SGMS1: variants seen among roughly 807,000 people sequenced by gnomAD.
SGMS1 encodes the protein phosphatidylcholine:ceramide cholinephosphotransferase 1.
Under a neutral mutation model 46.2 loss-of-function variants are expected in SGMS1, and 13 were observed. The ratio of observed to expected loss-of-function variants is 0.28; its 90% CI spans 0.18 to 0.45. SGMS1 has a LOEUF of 0.45. Ranked by LOEUF, SGMS1 falls within the 20% of genes least tolerant of loss-of-function variation. The pLI, the probability that SGMS1 is intolerant of heterozygous loss-of-function variation, is 1.00. For missense variants in SGMS1, 324 were observed against 519.9 expected (o/e 0.62, Z 3.66); for synonymous variants, 203 against 187.8 (o/e 1.08, Z -0.66).
At chr10:50,374,855 C>T (rs532499407) in intron 6 of SGMS1, among the ~76,000 whole-genome samples, 32 of 152,316 alleles carry the variant, frequency 2.1e-4, no homozygotes, top group African/African-American at 7.5e-4. Flanking sequence ...TAGCTCACTC[C>T]TTTGCCTACT....
rs1564896133 is a variant in SGMS1, at chr10:50,381,284, G to GA, written c.-231-36940dup. 4.7e-5 allele frequency among the ~76,000 whole-genome samples: 7 copies of GA among 150,518 alleles called. No individual in the cohort carries two copies. In the South Asian group the frequency reaches 1.5e-3, roughly 32 times the overall value. On this transcript the variant is annotated intron_variant, in intron 6 of 10. Transcript: ENST00000361781. ...TGTTCTAAAAGAAAAAAAAAAAGAA[G>GA]AAGAAGAAAAAAAAAATCCGTAACA...
intron 3 of SGMS1, among the ~76,000 whole-genome samples, chr10:50,490,181 A>C (rs542159142): frequency 1.6e-4 from 24 of 152,206 alleles, no homozygotes; most frequent in Middle Eastern, 3.4e-3. Flanking sequence ...CTAAACAGGG[A>C]GTTGGATGAA....
intron 6 of SGMS1, among the ~76,000 whole-genome samples, chr10:50,390,890 A>C (rs898120692): frequency 3.3e-5 from 5 of 152,174 alleles, no homozygotes; most frequent in African/African-American, 4.8e-5. Flanking sequence ...TACCCAAATA[A>C]AAATCCCTGG....
intron 6 of SGMS1, among the ~76,000 whole-genome samples, chr10:50,360,315 A>T (rs1848226328): frequency 1.3e-5 from 2 of 152,204 alleles, no homozygotes; most frequent in South Asian, 4.1e-4. Flanking sequence ...CCAGAGGGAA[A>T]ACAATAAGCT....
chr10:50,440,918 T>C (rs552377105), intron 5 of SGMS1, among the ~76,000 whole-genome samples: 24 of 152,346 alleles, frequency 1.6e-4, no homozygotes, highest in African/African-American at 5.8e-4. Flanking sequence ...CCTAGGCTCA[T>C]TTCTAAATGT....
chr10:50,403,642 A>C (rs1259395105), intron 6 of SGMS1, among the ~76,000 whole-genome samples: 1 of 151,712 alleles, frequency 6.6e-6, no homozygotes, highest in Non-Finnish European at 1.5e-5. Context: ...CATGTGGCTA[A>C]ATTCTGACGT....
chr10:50,522,897 C>G (rs1189474509), intron 2 of SGMS1, among the ~76,000 whole-genome samples: 1 of 152,152 alleles, frequency 6.6e-6, no homozygotes, highest in Admixed American at 6.5e-5. Flanking sequence ...GGCCTCACCC[C>G]TCAAGTAGCT....
At chr10:50,515,397 A>G (rs1418069198) in intron 3 of SGMS1, among the ~76,000 whole-genome samples, 2 of 152,004 alleles carry the variant, frequency 1.3e-5, no homozygotes, top group Non-Finnish European at 2.9e-5. Context: ...AAGAAACAGC[A>G]CTCAGGTGAA....
intron 3 of SGMS1, among the ~76,000 whole-genome samples, chr10:50,486,601 AC>A (rs1487873439): frequency 6.6e-6 from 1 of 152,226 alleles, no homozygotes; most frequent in East Asian, 1.9e-4. Flanking sequence ...GCAAATCAAA[AC>A]CACTAGATGC....
At chr10:50,440,409 C>T (rs1849529390) in intron 5 of SGMS1, among the ~76,000 whole-genome samples, 1 of 152,050 alleles carries the variant, frequency 6.6e-6, no homozygotes, top group Non-Finnish European at 1.5e-5. Flanking sequence ...TTTTTCCCCG[C>T]AGAGCCAGCA....
upstream of SGMS1, chr10:50,624,915 C>A (rs1486569244): frequency 9.9e-7 from 1 of 1,008,314 alleles, no homozygotes; most frequent in South Asian, 3.4e-5. Flanking sequence ...ACGGGCCCGG[C>A]GTACCACGTG....
chr10:50,389,320 G>A (rs12262586), intron 6 of SGMS1, among the ~76,000 whole-genome samples: 9,041 of 152,160 alleles, frequency 0.059, 643 homozygotes, highest in African/African-American at 0.17. Context: ...AGTCATGGCT[G>A]TACTAATATA....
At chr10:50,358,242 C>T (rs571142995) in intron 6 of SGMS1, among the ~76,000 whole-genome samples, 24 of 152,274 alleles carry the variant, frequency 1.6e-4, no homozygotes, top group Admixed American at 5.2e-4. Context: ...CAAAATCTTG[C>T]GGACATGTAG....
intron 2 of SGMS1, among the ~76,000 whole-genome samples, chr10:50,550,841 C>T (rs1026420856): frequency 3.3e-5 from 5 of 152,064 alleles, no homozygotes; most frequent in African/African-American, 1.2e-4. Context: ...TAAGAACTCC[C>T]GAAGGCCAAA....
chr10:50,448,757 A>AG (rs142124080), intron 5 of SGMS1, among the ~76,000 whole-genome samples: 3 of 140,662 alleles, frequency 2.1e-5, no homozygotes, highest in African/African-American at 7.9e-5. Context: ...AAAAAAAAAA[A>AG]AAAAGAATGA....
At chr10:50,504,122 A>T (rs1339006782) in intron 3 of SGMS1, among the ~76,000 whole-genome samples, 2 of 152,204 alleles carry the variant, frequency 1.3e-5, no homozygotes, top group Non-Finnish European at 2.9e-5. Flanking sequence ...ACACAGTCTG[A>T]CAAGTATAAA....
At chr10:50,545,110 G>A (rs185201238) in intron 2 of SGMS1, among the ~76,000 whole-genome samples, 132 of 152,162 alleles carry the variant, frequency 8.7e-4, no homozygotes, top group Middle Eastern at 6.8e-3. Context: ...GCTATTTCCC[G>A]GAAGCACACA....
intron 2 of SGMS1, among the ~76,000 whole-genome samples, chr10:50,588,666 G>C (rs535619927): frequency 6.6e-6 from 1 of 150,394 alleles, no homozygotes; most frequent in South Asian, 2.1e-4. Context: ...TATAAGTTTA[G>C]GTTTAAAAAA....
chr10:50,399,785 T>G (rs1206408101), intron 6 of SGMS1, among the ~76,000 whole-genome samples: 1 of 151,988 alleles, frequency 6.6e-6, no homozygotes, highest in Admixed American at 6.6e-5. Flanking sequence ...TCCCAGCACT[T>G]TGGGAGGCCG....
Sources: gnomAD v4.1 joint callset for allele counts (sites outside exome capture counted in the v4.1 genomes callset) on GRCh38, gnomAD v4.1.1 for gene constraint, MANE v1.5 for transcripts, NCBI Gene and HGNC (gene_info 2026-07-23, HGNC 2026-07-21) for gene names.